RFX1: variants seen among roughly 807,000 people sequenced by gnomAD.
RFX1 encodes the protein MHC class II regulatory factor RFX1.
Under a neutral mutation model 119.6 loss-of-function variants are expected in RFX1, and 42 were observed. That is an observed-to-expected ratio of 0.35 (90% CI 0.27 to 0.45). The LOEUF (loss-of-function observed/expected upper bound fraction) is 0.45. Ranked by LOEUF, RFX1 falls within the 20% of genes least tolerant of loss-of-function variation. The pLI is 1.00. For synonymous variants in RFX1, 628 were observed against 618.5 expected (o/e 1.02, Z -0.23); for missense variants, 1,118 against 1,368.1 (o/e 0.82, Z 2.88).
chr19:13,983,403 G>A, intron 3 of RFX1, 83 bp downstream of exon 3: 1 of 1,249,036 alleles, frequency 8.0e-7, no homozygotes, highest in Non-Finnish European at 1.1e-6. Context: ...GAAGCGGGGA[G>A]GGGAGGTGAG....
rs536077495 is a variant in RFX1, at chr19:13,963,399, C to A, written c.2571-124G>T. ...TGACTCAGGCTGGATCCCGCACAGC[C>A]TTCCCGGCACATGAGCCCAGGGCCC... On this transcript the variant is annotated intron_variant, in intron 18 of 20. Transcript: ENST00000254325. 4.2e-5 allele frequency: 61 copies of A among 1,438,656 alleles called. No individual in the cohort carries two copies. The South Asian group carries it at 6.5e-4, about 15-fold the overall frequency. The allele number at this position is 1,438,656 out of a possible 1,614,324, so 89.1% of individuals were successfully genotyped here. A position where few individuals can be genotyped will look rare whatever the true frequency, so the allele number is the denominator to read the frequency against.
chr19:13,963,945 C>G lies in RFX1; in HGVS notation c.2274G>C (p.Ala758=), dbSNP rs1474964332. ...TCTGCAGCACAGCGCGCGCCGCCTGCGCCAGGTGGTTGAGCGACGTGTAGC... is the reference window on the plus strand; with the variant it reads ...TCTGCAGCACAGCGCGCGCCGCCTGGGCCAGGTGGTTGAGCGACGTGTAGC... ...LRRYTSLNHL[A]QAARAVLQNT... is the part of the protein sequence containing the mutation. The change falls in exon 17 of 21, where the codon GCG becomes GCC. Residue 758 remains alanine (A), a synonymous_variant. Coordinates refer to ENST00000254325, the MANE Select transcript of RFX1 (RefSeq NM_002918.5). 6.5e-7 allele frequency: 1 copy of G among 1,544,986 alleles called. No individual in the cohort carries two copies. The highest frequency in any genetic ancestry group is 1.4e-5 in the African/African-American group (1 of 73,178).
At chr19:13,977,064 A>G (rs1317776351) in intron 8 of RFX1, among the ~76,000 whole-genome samples, 1 of 152,104 alleles carries the variant, frequency 6.6e-6, no homozygotes, top group Non-Finnish European at 1.5e-5. Flanking sequence ...TGGGAGGCTG[A>G]GACGGGTGGA....
At chr19:13,993,391 C>T (rs1599512955) in intron 2 of RFX1, 134 bp downstream of exon 2, 1 of 789,550 alleles carries the variant, frequency 1.3e-6, no homozygotes, top group East Asian at 3.0e-5. Context: ...CTTAAGCACC[C>T]CTGCCCTAGT....
intron 2 of RFX1, among the ~76,000 whole-genome samples, chr19:13,989,345 T>C (rs1236137798): frequency 2.0e-5 from 3 of 151,702 alleles, no homozygotes; most frequent in Non-Finnish European, 4.4e-5. Context: ...GGGCACAGGG[T>C]GTGTGGAGCA....
intron 1 of RFX1, among the ~76,000 whole-genome samples, chr19:14,002,301 T>G (rs1599526713): frequency 4.3e-5 from 5 of 117,344 alleles, no homozygotes; most frequent in Admixed American, 2.1e-4. Flanking sequence ...GATGACAGAG[T>G]GAGACTCTGT....
At chr19:13,989,862 CG>C (rs35960825) in intron 2 of RFX1, among the ~76,000 whole-genome samples, 104,156 of 150,262 alleles carry the variant, frequency 0.69, 36,863 homozygotes, top group African/African-American at 0.86. Flanking sequence ...GTGGAAGAGG[CG>C]GGGGGGGTTC....
chr19:13,983,080 G>T, intron 4 of RFX1, 107 bp downstream of exon 4: 2 of 856,528 alleles, frequency 2.3e-6, no homozygotes, highest in South Asian at 1.6e-5. Context: ...CCTGGATGGG[G>T]ACTCTTCCCT....
At chr19:13,996,051 A>G (rs1237004654) in intron 1 of RFX1, among the ~76,000 whole-genome samples, 2 of 151,862 alleles carry the variant, frequency 1.3e-5, no homozygotes, top group Non-Finnish European at 2.9e-5. Flanking sequence ...AAACAAAACA[A>G]AAGGAAAGAA....
Position 13,986,333 on chromosome 19 carries a change from G to A in RFX1, c.320-2738C>T, listed in dbSNP as rs1328877015. Among the ~76,000 whole-genome samples the A allele has an allele frequency of 6.6e-6, 1 of 152,198 alleles. No homozygotes were observed. The highest frequency in any genetic ancestry group is 1.5e-5 in the Non-Finnish European group (1 of 68,010). The stretch of plus-strand genomic sequence containing the variant: ...GCTGAGACCAGGTGGCTGTCTCCAG[G>A]AAGCAGCCTTGCCCGTCTCCTGCCT... On this transcript the variant is annotated intron_variant, in intron 2 of 20. Coordinates refer to ENST00000254325, the MANE Select transcript of RFX1 (RefSeq NM_002918.5). The surrounding 1 kb of genome is among the most constrained non-coding windows in gnomAD (Gnocchi z 4.2).
intron 2 of RFX1, among the ~76,000 whole-genome samples, chr19:13,988,027 T>C (rs949925253): frequency 2.7e-5 from 4 of 147,162 alleles, no homozygotes; most frequent in African/African-American, 9.9e-5. Flanking sequence ...TCTTGCTCTT[T>C]TTTTTTTTTT....
rs1974761833 is a variant in RFX1, at chr19:13,990,450, G to A, written c.319+3075C>T. ...AATTCCAGCACTTTGGGAGGCTGAA[G>A]TGGGAGAATTGTTTGAGGCCAGGAG... is the stretch of plus-strand genomic sequence containing the variant. On this transcript the variant is annotated intron_variant, in intron 2 of 20. Coordinates refer to ENST00000254325, the MANE Select transcript of RFX1 (RefSeq NM_002918.5). The surrounding 1 kb of genome is among the most constrained non-coding windows in gnomAD (Gnocchi z 4.1). Among the ~76,000 whole-genome samples, 1 of 152,102 alleles carries A rather than the reference G, an allele frequency of 6.6e-6. No individual in the cohort carries two copies. Among genetic ancestry groups the A allele is most frequent in the African/African-American group, 2.4e-5 (1 of 41,416 alleles).
Position 13,969,928 on chromosome 19 carries a change from TG to T in RFX1, c.1496+65del. On this transcript the variant is annotated intron_variant, in intron 10 of 20. Coordinates refer to ENST00000254325, the MANE Select transcript of RFX1 (RefSeq NM_002918.5). The surrounding 1 kb of genome is among the most constrained non-coding windows in gnomAD (Gnocchi z 4.5). ...CTGGACTGCCTGAGATGACTCGGAG[TG>T]GGGGTGGGCCTTGGCATGCCCACCA... The T allele has an allele frequency of 1.3e-6, 2 of 1,488,614 alleles. No individual in the cohort carries two copies. Among genetic ancestry groups the T allele is most frequent in the South Asian group, 1.3e-5 (1 of 77,330 alleles). The allele number at this position is 1,488,614 out of a possible 1,614,324, so 92.2% of individuals were successfully genotyped here.
chr19:13,993,686 T>G lies in RFX1; in HGVS notation c.158A>C (p.Gln53Pro), dbSNP rs781106752. Residue 53 changes from glutamine to proline, a missense_variant, in exon 2 of 21, where the codon CAA becomes CCA. This residue lies in a region of RFX1 where 542 missense variants were observed against 602.7 expected (regional missense o/e 0.90). Transcript: ENST00000254325. ...PPTAAATPQP[Q>P]YVTELQSPQP... ...GGGGCTCTGCAGCTCGGTGACATAT[T>G]GGGGCTGAGGGGTGGCAGCAGCGGT... 7.9e-7 allele frequency: 1 copy of G among 1,265,154 alleles called. No individual in the cohort carries two copies. The highest frequency in any genetic ancestry group is 5.3e-5 in the East Asian group (1 of 18,846). The allele number at this position is 1,265,154 out of a possible 1,614,324, so 78.4% of individuals were successfully genotyped here. A position where few individuals can be genotyped will look rare whatever the true frequency, so the allele number is the denominator to read the frequency against.
Position 13,965,530 on chromosome 19 carries a change from C to A in RFX1, c.2130G>T (p.Ala710=), listed in dbSNP as rs1973865915. 1 of 1,613,414 alleles carries A rather than the reference C, an allele frequency of 6.2e-7. No individual in the cohort carries two copies. Among genetic ancestry groups the A allele is most frequent in the African/African-American group, 1.3e-5 (1 of 74,784 alleles). Residue 710 remains alanine, a synonymous_variant, in exon 16 of 21, where the codon GCG becomes GCT. Coordinates refer to ENST00000254325, the MANE Select transcript of RFX1 (RefSeq NM_002918.5). This position sits in a 1 kb window ranked among gnomAD's most constrained non-coding sequence, Gnocchi z 4.7. Reference sequence around the variant, plus strand: ...CCAGGCTCTTGGCAAAGTTCCGGATCGCTTGGGTCAAGGCACCTGTGGGCG... The same window carrying A: ...CCAGGCTCTTGGCAAAGTTCCGGATAGCTTGGGTCAAGGCACCTGTGGGCG... ...LRPIPSALTQ[A]IRNFAKSLES...
At position 13,962,408 on chromosome 19, in the gene RFX1, C is replaced by G. The variant is rs2145518816; in HGVS notation, c.*287G>C. The stretch of plus-strand genomic sequence containing the variant: ...GGGGCTGGGGAGAAGACGCTGGGGC[C>G]TGGGAGGGGGGCGGCCAAGGGGCCG... On this transcript the variant is annotated 3_prime_UTR_variant, in exon 21 of 21. Coordinates refer to ENST00000254325, the MANE Select transcript of RFX1 (RefSeq NM_002918.5). The G allele has an allele frequency of 4.2e-6, 2 of 470,596 alleles. No homozygotes were observed. Among genetic ancestry groups the G allele is most frequent in the Middle Eastern group, 1.1e-3 (2 of 1,762 alleles). The allele number at this position is 470,596 out of a possible 1,614,324, so 29.2% of individuals were successfully genotyped here. A position where few individuals can be genotyped will look rare whatever the true frequency, so the allele number is the denominator to read the frequency against.
chr19:13,986,616 G>A lies in RFX1; in HGVS notation c.320-3021C>T, dbSNP rs1233843690. ...GAGCGAGCGTCTGCATCTATCTGCC[G>A]GAGATCGCCACTCTGGGCATGCGCA... On this transcript the variant is annotated intron_variant, in intron 2 of 20. Transcript: ENST00000254325. This position sits in a 1 kb window ranked among gnomAD's most constrained non-coding sequence, Gnocchi z 4.2. Among the ~76,000 whole-genome samples, 3 of 152,148 alleles carry A rather than the reference G, an allele frequency of 2.0e-5. No individual in the cohort carries two copies. Among genetic ancestry groups the A allele is most frequent in the Non-Finnish European group, 4.4e-5 (3 of 68,012 alleles).
In RFX1 at chr19:13,966,831, C is replaced by T; in HGVS notation, c.1733-80G>A. 1 of 956,462 alleles carries T rather than the reference C, an allele frequency of 1.0e-6. No homozygotes were observed. Among genetic ancestry groups the T allele is most frequent in the Non-Finnish European group, 1.6e-6 (1 of 638,044 alleles). 59.2% of individuals were successfully genotyped at this position (956,462 alleles called of 1,614,324 possible). On this transcript the variant is annotated intron_variant, in intron 12 of 20. Coordinates refer to ENST00000254325, the MANE Select transcript of RFX1 (RefSeq NM_002918.5). The surrounding 1 kb of genome is among the most constrained non-coding windows in gnomAD (Gnocchi z 6.3). ...GGGGTCCTACTGACCTGTCCGTTTC[C>T]CATCAGACTGGGGTCCCCCATGTGC...
rs1974610715 is a variant in RFX1 at position 13,986,749 on chromosome 19, A to C, written c.320-3154T>G. The stretch of plus-strand genomic sequence containing the variant: ...AGTGGAATGACTCTGACAAGTGGGC[A>C]CCCATCCTCCCCGGGCCCCGCACTT... On this transcript the variant is annotated intron_variant, in intron 2 of 20. Coordinates refer to ENST00000254325, the MANE Select transcript of RFX1 (RefSeq NM_002918.5). The surrounding 1 kb of genome is among the most constrained non-coding windows in gnomAD (Gnocchi z 4.2). Among the ~76,000 whole-genome samples the C allele has an allele frequency of 6.6e-6, 1 of 150,910 alleles. No homozygotes were observed. The highest frequency in any genetic ancestry group is 1.5e-5 in the Non-Finnish European group (1 of 67,966).
Sources: gnomAD v4.1 joint callset for allele counts (sites outside exome capture counted in the v4.1 genomes callset) on GRCh38, gnomAD v4.1.1 for gene constraint, gnomAD v4.1.1 regional missense constraint, Gnocchi (gnomAD v3.1) non-coding constraint, MANE v1.5 for transcripts, NCBI Gene and HGNC (gene_info 2026-07-23, HGNC 2026-07-21) for gene names.